Variants in EPHA5 observed in about 807,000 individuals in gnomAD.
EPHA5 encodes the protein EPH receptor A5.
Under a neutral mutation model 105.0 loss-of-function variants are expected in EPHA5, and 60 were observed. The ratio of observed to expected loss-of-function variants is 0.57; its 90% CI spans 0.46 to 0.71. The LOEUF (loss-of-function observed/expected upper bound fraction) is 0.71. Ranked by LOEUF, EPHA5 falls within the 30% of genes least tolerant of loss-of-function variation. The probability of loss-of-function intolerance (pLI) is 0.00; values close to 1 mark genes in which losing one functional copy is unlikely to be tolerated. For missense variants in EPHA5, 1,218 were observed against 1,274.7 expected (o/e 0.96, Z 0.68); for synonymous variants, 513 against 449.1 (o/e 1.14, Z -1.80).
intron 11 of EPHA5, among the ~76,000 whole-genome samples, chr4:65,353,829 C>G (rs933810820): frequency 9.2e-5 from 14 of 151,898 alleles, no homozygotes; most frequent in Admixed American, 4.6e-4. Context: ...CTGCTACACA[C>G]TTAAAATCTC....
At chr4:65,431,617 A>G (rs929764911) in intron 5 of EPHA5, among the ~76,000 whole-genome samples, 9 of 151,924 alleles carry the variant, frequency 5.9e-5, no homozygotes, top group Non-Finnish European at 8.8e-5. Flanking sequence ...TTTTCCTAAT[A>G]TTACTGAAAA....
intron 5 of EPHA5, among the ~76,000 whole-genome samples, chr4:65,434,862 G>T (rs1725328051): frequency 6.6e-6 from 1 of 151,944 alleles, no homozygotes; most frequent in African/African-American, 2.4e-5. Context: ...ACCCAACCAG[G>T]ACACCCTGTT....
At chr4:65,349,382 T>A in intron 13 of EPHA5, among the ~76,000 whole-genome samples, 1 of 152,142 alleles carries the variant, frequency 6.6e-6, no homozygotes, top group South Asian at 2.1e-4. Context: ...AACACTTTTA[T>A]AATATGCCTC....
intron 15 of EPHA5, among the ~76,000 whole-genome samples, chr4:65,333,367 A>G (rs1169446235): frequency 2.0e-5 from 3 of 151,710 alleles, no homozygotes; most frequent in African/African-American, 7.3e-5. Context: ...GAGATGGTCA[A>G]TGATCTCTCT....
rs540648462 is a variant in EPHA5 at position 65,370,736 on chromosome 4, G to A, written c.1794-3312C>T. 2.0e-3 allele frequency among the ~76,000 whole-genome samples: 300 copies of A among 152,214 alleles called. 1 individual carries two copies. Among genetic ancestry groups the A allele is most frequent in the Middle Eastern group, 6.8e-3 (2 of 294 alleles). On this transcript the variant is annotated intron_variant, in intron 8 of 16. Transcript: ENST00000613740. Reference sequence around the variant, plus strand: ...GGAGCAGTTAACATTGCATTACCTAGGGTGAGAGTCAGGAGGGCAATTGAA... The same window carrying A: ...GGAGCAGTTAACATTGCATTACCTAAGGTGAGAGTCAGGAGGGCAATTGAA...
chr4:65,662,383 T>A (rs1386428368), intron 1 of EPHA5, among the ~76,000 whole-genome samples: 3 of 152,146 alleles, frequency 2.0e-5, no homozygotes, highest in Admixed American at 6.5e-5. Flanking sequence ...CAGAGTTGTG[T>A]GGCTAGTTTA....
At position 65,466,756 on chromosome 4, in the gene EPHA5, C is replaced by T. The variant is rs574690009; in HGVS notation, c.1402+23621G>A. Among the ~76,000 whole-genome samples, 53 of 152,224 alleles carry T rather than the reference C, an allele frequency of 3.5e-4. No homozygotes were observed. The South Asian group carries it at 6.8e-3, about 20-fold the overall frequency. Reference sequence around the variant, plus strand: ...GCATCAAAAGTGTTTCCAAGATTACCGAAGCTCTTAAACATTACCTGGGAA... The same window carrying T: ...GCATCAAAAGTGTTTCCAAGATTACTGAAGCTCTTAAACATTACCTGGGAA... On this transcript the variant is annotated intron_variant, in intron 5 of 16. Transcript: ENST00000613740.
chr4:65,415,789 G>A (rs1030472452), intron 6 of EPHA5, among the ~76,000 whole-genome samples: 11 of 152,016 alleles, frequency 7.2e-5, no homozygotes, highest in Admixed American at 5.2e-4. Flanking sequence ...ATTGACAAAC[G>A]TGTAATGCTC....
intron 2 of EPHA5, among the ~76,000 whole-genome samples, chr4:65,633,188 C>T (rs1030850677): frequency 6.6e-6 from 1 of 151,918 alleles, no homozygotes; most frequent in African/African-American, 2.4e-5. Flanking sequence ...AGTCTCTCTT[C>T]CCCTGCTGCC....
intron 3 of EPHA5, among the ~76,000 whole-genome samples, chr4:65,525,685 G>GA (rs1735162710): frequency 6.6e-6 from 1 of 151,836 alleles, no homozygotes; most frequent in Non-Finnish European, 1.5e-5. Flanking sequence ...GAACCTTACT[G>GA]AAAACAAAGA....
chr4:65,658,440 A>C (rs1029325337), intron 1 of EPHA5, among the ~76,000 whole-genome samples: 10 of 152,114 alleles, frequency 6.6e-5, no homozygotes, highest in African/African-American at 1.9e-4. Flanking sequence ...GCTGAAGTCA[A>C]GTGTTTTTCT....
At chr4:65,536,522 G>A (rs1482082818) in intron 3 of EPHA5, among the ~76,000 whole-genome samples, 1 of 151,754 alleles carries the variant, frequency 6.6e-6, no homozygotes, top group African/African-American at 2.4e-5. Flanking sequence ...TAATCCAACA[G>A]CTATTTCAGA....
intron 11 of EPHA5, among the ~76,000 whole-genome samples, chr4:65,358,732 T>C (rs1403148485): frequency 1.3e-5 from 2 of 151,556 alleles, no homozygotes; most frequent in African/African-American, 2.4e-5. Context: ...ACAAGTCCTT[T>C]GTAAAATTAT....
At chr4:65,596,607 C>A (rs979380348) in intron 3 of EPHA5, among the ~76,000 whole-genome samples, 2 of 151,836 alleles carry the variant, frequency 1.3e-5, no homozygotes, top group African/African-American at 4.8e-5. Context: ...TTGAATTATT[C>A]TCTTGTGTAA....
At chr4:65,357,858 GT>G (rs368894697) in intron 11 of EPHA5, among the ~76,000 whole-genome samples, 295 of 151,374 alleles carry the variant, frequency 1.9e-3, no homozygotes, top group Admixed American at 3.1e-3. Flanking sequence ...AAAAAAATGA[GT>G]TTTTTTAACT....
At chr4:65,560,624 C>T (rs1414325315) in intron 3 of EPHA5, among the ~76,000 whole-genome samples, 2 of 151,950 alleles carry the variant, frequency 1.3e-5, no homozygotes, top group Non-Finnish European at 2.9e-5. Context: ...CTTTTTATTT[C>T]TACTCACTGT....
chr4:65,534,827 G>A (rs1231392902), intron 3 of EPHA5, among the ~76,000 whole-genome samples: 1 of 152,144 alleles, frequency 6.6e-6, no homozygotes, highest in East Asian at 1.9e-4. Context: ...ATGCTTAAAT[G>A]GATATATTAT....
Position 65,321,795 on chromosome 4 carries a change from A to C in EPHA5, c.*2319T>G, listed in dbSNP as rs1719660035. 4 of 227,642 alleles carry C rather than the reference A, an allele frequency of 1.8e-5. No individual in the cohort carries two copies. In the Admixed American group the frequency reaches 2.3e-4, roughly 13 times the overall value. 14.1% of individuals were successfully genotyped at this position (227,642 alleles called of 1,614,324 possible). On this transcript the variant is annotated 3_prime_UTR_variant, in exon 17 of 17. Coordinates refer to ENST00000613740, the MANE Select transcript of EPHA5 (RefSeq NM_001281766.3). The stretch of plus-strand genomic sequence containing the variant: ...ATCTTTCAGCATATAAAGTTGGAAA[A>C]CAATGTAGAAAATATCTTTGTTATG...
At chr4:65,643,305 A>C in intron 2 of EPHA5, 58 bp downstream of exon 2, 1 of 1,312,506 alleles carries the variant, frequency 7.6e-7, no homozygotes, top group Non-Finnish European at 1.1e-6. Context: ...CTGTGTTACA[A>C]GTATCAAGAT....
Sources: gnomAD v4.1 joint callset for allele counts (sites outside exome capture counted in the v4.1 genomes callset) on GRCh38, gnomAD v4.1.1 for gene constraint, MANE v1.5 for transcripts, NCBI Gene and HGNC (gene_info 2026-07-23, HGNC 2026-07-21) for gene names.